SRRM2: variants seen among roughly 807,000 people sequenced by gnomAD.
The protein encoded by SRRM2 is serine/arginine repetitive matrix protein 2.
SRRM2 carries 30 observed loss-of-function variants against 213.8 expected under a neutral mutation model. That is an observed-to-expected ratio of 0.14 (90% CI 0.10 to 0.19). The LOEUF is 0.19. Among genes scored for constraint, SRRM2 ranks in the 10% least tolerant of loss-of-function variants. SRRM2 has a pLI of 1.00. For missense variants in SRRM2, 4,904 were observed against 3,647.0 expected, an observed-to-expected ratio of 1.34 and a Z score of -8.88; for synonymous variants, 2,025 against 1,377.7, an observed-to-expected ratio of 1.47 and a Z score of -10.40.
At position 2,766,896 on chromosome 16, in the gene SRRM2, C is replaced by T; in HGVS notation, c.6368C>T (p.Ser2123Phe). ...AGCTGCTTCAGTCGTCCTAGCATGT[C>T]CCCAACACCTCTTGATCGCTGCAGA... ...RMSCFSRPSM[S>F]PTPLDRCRSP... Residue 2123 changes from serine to phenylalanine, a missense_variant, in exon 11 of 15, where the codon TCC (serine) becomes TTC (phenylalanine). By Grantham distance (155) the Ser-to-Phe change is radical. Transcript: ENST00000301740. The surrounding 1 kb of genome is among the most constrained non-coding windows in gnomAD (Gnocchi z 7.0). 2 of 1,614,138 alleles carry T rather than the reference C, an allele frequency of 1.2e-6. No individual in the cohort carries two copies. Among genetic ancestry groups the T allele is most frequent in the East Asian group, 2.2e-5 (1 of 44,888 alleles).
Position 2,767,885 on chromosome 16 carries a change from TCTG to T in SRRM2, c.7360_7362del (p.Ala2454del), listed in dbSNP as rs530565370. 2.4e-5 allele frequency: 38 copies of T among 1,614,032 alleles called. No homozygotes were observed. The highest frequency in any genetic ancestry group is 2.8e-5 in the Non-Finnish European group (33 of 1,180,032). On this transcript the variant is annotated inframe_deletion, in exon 11 of 15. Transcript: ENST00000301740. ...GGATCAGCCGAGGTCTCCTGTGCCT[TCTG>T]CTTTTTCAGACCAATCCCGTTGTTT...
In SRRM2 at chr16:2,757,884, G is replaced by C. The variant is rs202150099; in HGVS notation, c.454G>C (p.Asp152His). The change falls in exon 4 of 15, where the codon GAT (aspartate) becomes CAT (histidine). Residue 152 changes from aspartate (D) to histidine (H), a missense_variant. Coordinates refer to ENST00000301740, the MANE Select transcript of SRRM2 (RefSeq NM_016333.4). ...SDSYVDGSSF[D>H]PQRRAREAKQ... ...TTCTTACGTAGATGGCAGCTCTTTT[G>C]ATCCTCAGCGTCGTGCCCGAGAAGC... 4 of 1,614,124 alleles carry C rather than the reference G, an allele frequency of 2.5e-6. No individual in the cohort carries two copies. The Admixed American group carries it at 6.7e-5, about 27-fold the overall frequency.
chr16:2,759,029 CAAA>C lies in SRRM2; in HGVS notation c.639_641del (p.Lys217del), dbSNP rs760778472. ...CCTCGACGGGAGAGAAAGAAAAGCT[CAAA>C]GAAGAAGAAGCACAGGTATGAGGTG... is the stretch of plus-strand genomic sequence containing the variant. On this transcript the variant is annotated inframe_deletion, in exon 6 of 15. Transcript: ENST00000301740. 15 of 1,613,970 alleles carry C rather than the reference CAAA, an allele frequency of 9.3e-6. No homozygotes were observed. The highest frequency in any genetic ancestry group is 2.7e-5 in the African/African-American group (2 of 74,872).
chr16:2,762,700 T>G lies in SRRM2; in HGVS notation c.2172T>G (p.Ser724=). 1 of 1,614,182 alleles carries G rather than the reference T, an allele frequency of 6.2e-7. No homozygotes were observed. The highest frequency in any genetic ancestry group is 1.3e-5 in the African/African-American group (1 of 75,038). Reference sequence around the variant, plus strand: ...GAACACCTCAAAGAAGAGGCAGATCTGGCTCATCTTCAGAGCGGAAAAACA... The same window carrying G: ...GAACACCTCAAAGAAGAGGCAGATCGGGCTCATCTTCAGAGCGGAAAAACA... ...HSRTPQRRGR[S]GSSSERKNKS... Residue 724 remains serine (S), a synonymous_variant, in exon 11 of 15, where the codon TCT becomes TCG. Transcript: ENST00000301740.
At chr16:2,755,542 T>G (rs2068110846) in intron 1 of SRRM2, among the ~76,000 whole-genome samples, 1 of 152,154 alleles carries the variant, frequency 6.6e-6, no homozygotes, top group Admixed American at 6.5e-5. Context: ...AGGGAGGAAC[T>G]GCAAATTGTT....
In SRRM2 at chr16:2,763,105, G is replaced by A. The variant is rs1427211187; in HGVS notation, c.2577G>A (p.Gln859=). The A allele has an allele frequency of 6.2e-7, 1 of 1,614,084 alleles. No individual in the cohort carries two copies. The highest frequency in any genetic ancestry group is 1.7e-5 in the Admixed American group (1 of 60,016). The change falls in exon 11 of 15, where the codon CAG becomes CAA. Residue 859 remains glutamine, a synonymous_variant. Transcript: ENST00000301740. Reference sequence around the variant, plus strand: ...GGCAAGGGTCCATAACAAGTCCCCAGGCCAATGAGCAATCTGTAACGCCAC... The same window carrying A: ...GGCAAGGGTCCATAACAAGTCCCCAAGCCAATGAGCAATCTGTAACGCCAC... ...PPRQGSITSP[Q]ANEQSVTPQR...
Position 2,770,451 on chromosome 16 carries a change from A to G in SRRM2, c.8121A>G (p.Pro2707=), listed in dbSNP as rs770557098. 5.0e-6 allele frequency: 8 copies of G among 1,607,516 alleles called. No homozygotes were observed. The Admixed American group carries it at 1.3e-4, about 27-fold the overall frequency. The change falls in exon 13 of 15, where the codon CCA becomes CCG. Residue 2707 remains proline (P), a synonymous_variant. Coordinates refer to ENST00000301740, the MANE Select transcript of SRRM2 (RefSeq NM_016333.4). The part of the protein sequence containing the change: ...ERRRPSPQPS[P]RDQQSSSSER... ...GCCGTCCCTCGCCCCAGCCCTCACC[A>G]CGGGACCAGCAGAGGTAAGGCCAAC...
intron 2 of SRRM2, 63 bp downstream of exon 2, chr16:2,756,669 GA>G: frequency 6.5e-7 from 1 of 1,543,458 alleles, no homozygotes; most frequent in African/African-American, 1.4e-5. Flanking sequence ...TGTTAGGTGG[GA>G]TGTATAGGGA....
At chr16:2,760,615 TC>T (rs1050556918) in intron 10 of SRRM2, 116 bp downstream of exon 10, 2 of 1,231,814 alleles carry the variant, frequency 1.6e-6, no homozygotes, top group Non-Finnish European at 2.3e-6. Context: ...CAGTTTTTTT[TC>T]CTGCATTTCT....
Position 2,757,859 on chromosome 16 carries a change from T to G in SRRM2, c.429T>G (p.Asp143Glu). ...TCCGTGCTGCCTTTGGCATCAGTGA[T>G]TCTTACGTAGATGGCAGCTCTTTTG... is the stretch of plus-strand genomic sequence containing the variant. ...ERLRAAFGIS[D>E]SYVDGSSFDP... The change falls in exon 4 of 15, where the codon GAT becomes GAG. Residue 143 changes from aspartate (D) to glutamate (E), a missense_variant. Physicochemically the swap from Asp to Glu is conservative, Grantham distance 45 (BLOSUM62 2). Transcript: ENST00000301740. The G allele has an allele frequency of 6.2e-7, 1 of 1,614,176 alleles. No homozygotes were observed. Among genetic ancestry groups the G allele is most frequent in the Non-Finnish European group, 8.5e-7 (1 of 1,179,984 alleles).
chr16:2,761,889 C>G lies in SRRM2; in HGVS notation c.1361C>G (p.Ser454Cys). Reference protein sequence around the residue: ...APAPGSHREISSSPTSKNRSH... With the variant: ...APAPGSHREICSSPTSKNRSH... ...GCTCCAGGGTCCCACCGAGAGATTT[C>G]TTCTTCTCCCACATCTAAGAATCGC... The change falls in exon 11 of 15, where the codon TCT becomes TGT. Residue 454 changes from serine (S) to cysteine (C), a missense_variant. Coordinates refer to ENST00000301740, the MANE Select transcript of SRRM2 (RefSeq NM_016333.4). 1 of 1,612,872 alleles carries G rather than the reference C, an allele frequency of 6.2e-7. No homozygotes were observed. The highest frequency in any genetic ancestry group is 8.5e-7 in the Non-Finnish European group (1 of 1,179,926).
chr16:2,760,710 G>A, intron 10 of SRRM2: 1 of 572,256 alleles, frequency 1.7e-6, no homozygotes. Context: ...AAATCTCACT[G>A]GATGTTAGGT....
In SRRM2 at chr16:2,766,515, C is replaced by G. The variant is rs1490081769; in HGVS notation, c.5987C>G (p.Ser1996Cys). The change falls in exon 11 of 15, where the codon TCT becomes TGT. Residue 1996 changes from serine (S) to cysteine (C), a missense_variant. Coordinates refer to ENST00000301740, the MANE Select transcript of SRRM2 (RefSeq NM_016333.4). The surrounding 1 kb of genome is among the most constrained non-coding windows in gnomAD (Gnocchi z 7.0). The part of the protein sequence containing the change: ...TSPVTRRRSR[S>C]RTSPVTRRRS... ...CCGGTCACCCGAAGGAGATCTCGAT[C>G]TCGCACATCTCCAGTAACTCGAAGA... is the stretch of plus-strand genomic sequence containing the variant. 6.2e-7 allele frequency: 1 copy of G among 1,614,020 alleles called. No individual in the cohort carries two copies. The highest frequency in any genetic ancestry group is 1.7e-5 in the Admixed American group (1 of 60,010).
In SRRM2 at chr16:2,759,471, G is replaced by T. The variant is rs528408344; in HGVS notation, c.740+69G>T. On this transcript the variant is annotated intron_variant, in intron 8 of 14. Transcript: ENST00000301740. ...CCACCTTAGTGGGAGGGAGTTGAATGAGTTATGTCCCTGACTGGTAAAGGG... is the reference window on the plus strand; with the variant it reads ...CCACCTTAGTGGGAGGGAGTTGAATTAGTTATGTCCCTGACTGGTAAAGGG... The T allele has an allele frequency of 6.3e-6, 10 of 1,597,296 alleles. No individual in the cohort carries two copies. The African/African-American group carries it at 1.1e-4, about 17-fold the overall frequency.
Position 2,758,357 on chromosome 16 carries a change from C to A in SRRM2, c.516-113C>A, listed in dbSNP as rs369293051. 6.9e-6 allele frequency: 7 copies of A among 1,014,082 alleles called. No homozygotes were observed. The African/African-American group carries it at 1.1e-4, about 16-fold the overall frequency. 62.8% of individuals were successfully genotyped at this position (1,014,082 alleles called of 1,614,324 possible). The stretch of plus-strand genomic sequence containing the variant: ...CTGCACCCCACCTGAGGCAACAGAG[C>A]GAGACTCTTATTTTTTTATTTTTAT... On this transcript the variant is annotated intron_variant, in intron 4 of 14. Coordinates refer to ENST00000301740, the MANE Select transcript of SRRM2 (RefSeq NM_016333.4).
At chr16:2,758,740 C>G in intron 5 of SRRM2, 193 bp downstream of exon 5, 4 of 679,234 alleles carry the variant, frequency 5.9e-6, no homozygotes, top group Non-Finnish European at 9.9e-6. Flanking sequence ...TGCAGTTCTG[C>G]TAATTAAGAT....
Position 2,770,417 on chromosome 16 carries a change from T to A in SRRM2, c.8087T>A (p.Val2696Glu). The A allele has an allele frequency of 6.2e-7, 1 of 1,611,270 alleles. No homozygotes were observed. The highest frequency in any genetic ancestry group is 1.1e-5 in the South Asian group (1 of 90,388). The change falls in exon 13 of 15, where the codon GTG becomes GAG. Residue 2696 changes from valine to glutamate, a missense_variant. Val to Glu is a moderately radical substitution (Grantham distance 121). Coordinates refer to ENST00000301740, the MANE Select transcript of SRRM2 (RefSeq NM_016333.4). ...TCTCGGTCCCTCAGCTACTCGCCTG[T>A]GGAGCGTCGCCGTCCCTCGCCCCAG... The part of the protein sequence containing the change: ...RDSRSLSYSP[V>E]ERRRPSPQPS...
At chr16:2,768,506 G>A in intron 11 of SRRM2, 1 of 691,554 alleles carries the variant, frequency 1.4e-6, no homozygotes, top group South Asian at 1.5e-5. Flanking sequence ...TCTCTACAGA[G>A]GACAGAACTA....
chr16:2,757,404 G>T, intron 2 of SRRM2, 68 bp from the exon 3 acceptor site: 1 of 1,478,040 alleles, frequency 6.8e-7, no homozygotes. Context: ...TGGGAATGAG[G>T]GAAATGGAAA....
Sources: gnomAD v4.1 joint callset for allele counts (sites outside exome capture counted in the v4.1 genomes callset) on GRCh38, gnomAD v4.1.1 for gene constraint, Gnocchi (gnomAD v3.1) non-coding constraint, MANE v1.5 for transcripts, NCBI Gene and HGNC (gene_info 2026-07-23, HGNC 2026-07-21) for gene names.